Variants in CLIC5 observed in about 807,000 individuals in gnomAD.
CLIC5 encodes the protein CLIC family member 5.
CLIC5 carries 20 observed loss-of-function variants against 24.7 expected under a neutral mutation model. That is an observed-to-expected ratio of 0.81 (90% confidence interval 0.57 to 1.18). The LOEUF is 1.18. Ranked by LOEUF, CLIC5 falls within the 50% of genes most tolerant of loss-of-function variation. CLIC5 has a pLI of 0.00. For missense variants in CLIC5, 341 were observed against 326.1 expected (o/e 1.05, Z -0.35); for synonymous variants, 159 against 135.6 (o/e 1.17, Z -1.20).
At chr6:45,994,614 AAAAAAT>A (rs997447647) in intron 1 of CLIC5, among the ~76,000 whole-genome samples, 5 of 151,686 alleles carry the variant, frequency 3.3e-5, no homozygotes, top group Admixed American at 6.6e-5. Flanking sequence ...GACTTAAAGT[AAAAAAT>A]AAAAATAAAA....
At chr6:46,085,321 C>T (rs1005889623), upstream of CLIC5, among the ~76,000 whole-genome samples, 4 of 152,238 alleles carry the variant, frequency 2.6e-5, no homozygotes, top group Admixed American at 6.5e-5. Context: ...TGCTGAGGAA[C>T]TGCGTTCCTT....
chr6:45,975,033 G>A (rs1474763602), intron 1 of CLIC5, among the ~76,000 whole-genome samples: 1 of 152,182 alleles, frequency 6.6e-6, no homozygotes, highest in African/African-American at 2.4e-5. Flanking sequence ...ATTTCTTTAA[G>A]GTTTGAGTTG....
intron 1 of CLIC5, among the ~76,000 whole-genome samples, chr6:46,045,225 A>AT (rs538061513): frequency 4.1e-4 from 62 of 152,066 alleles, no homozygotes; most frequent in African/African-American, 1.4e-3. Flanking sequence ...AAACAATTAC[A>AT]TTTTTTTTAA....
intron 4 of CLIC5, among the ~76,000 whole-genome samples, chr6:45,937,198 G>A (rs1468024783): frequency 2.0e-5 from 3 of 152,208 alleles, no homozygotes; most frequent in East Asian, 1.9e-4. Flanking sequence ...GGGAGATTTG[G>A]AAGAGCTAAC....
intron 1 of CLIC5, among the ~76,000 whole-genome samples, chr6:46,031,196 A>G (rs1767488422): frequency 6.6e-6 from 1 of 152,230 alleles, no homozygotes. Flanking sequence ...TGTACTAAAT[A>G]ATATAAGCAG....
intron 1 of CLIC5, among the ~76,000 whole-genome samples, chr6:45,968,482 T>C (rs1455461102): frequency 1.3e-5 from 2 of 152,106 alleles, no homozygotes; most frequent in Non-Finnish European, 2.9e-5. Flanking sequence ...TAGGTTTTTA[T>C]CTATTATCTC....
the CLIC5 span, among the ~76,000 whole-genome samples, chr6:46,128,365 C>T: frequency 6.6e-6 from 1 of 152,198 alleles, no homozygotes; most frequent in Admixed American, 6.5e-5. Context: ...CATACATATG[C>T]ACCTACTGAA....
At chr6:46,081,434 C>T (rs1045972051), upstream of CLIC5, among the ~76,000 whole-genome samples, 3 of 152,140 alleles carry the variant, frequency 2.0e-5, no homozygotes, top group East Asian at 1.9e-4. Context: ...GGCAAAACTT[C>T]GTTGTACTCT....
At chr6:46,101,453 T>C in the CLIC5 span, among the ~76,000 whole-genome samples, 1 of 152,246 alleles carries the variant, frequency 6.6e-6, no homozygotes, top group Non-Finnish European at 1.5e-5. Flanking sequence ...CAAAGTGGAA[T>C]GTGTTCAGAT....
At chr6:45,886,593 G>A (rs1581702723) in intron 6 of CLIC5, among the ~76,000 whole-genome samples, 2 of 152,270 alleles carry the variant, frequency 1.3e-5, no homozygotes, top group East Asian at 3.9e-4. Context: ...TTAGCCAAGT[G>A]CCCCAATGCC....
downstream of CLIC5, among the ~76,000 whole-genome samples, chr6:45,897,291 G>A (rs577267141): frequency 3.3e-5 from 5 of 152,300 alleles, no homozygotes; most frequent in South Asian, 6.2e-4. Context: ...TCACAATACT[G>A]GGCGGAACTT....
chr6:45,998,161 T>C (rs570236759), intron 1 of CLIC5, among the ~76,000 whole-genome samples: 41 of 152,296 alleles, frequency 2.7e-4, no homozygotes, highest in Middle Eastern at 3.4e-3. Flanking sequence ...GTATGCAAAA[T>C]TGGTTTGGAA....
intron 5 of CLIC5, among the ~76,000 whole-genome samples, chr6:45,908,773 G>T (rs934986986): frequency 1.3e-5 from 2 of 152,166 alleles, no homozygotes; most frequent in Non-Finnish European, 2.9e-5. Context: ...GTATTCAGTA[G>T]ATGTCTGTTA....
At chr6:45,960,644 C>A (rs765822897) in intron 1 of CLIC5, among the ~76,000 whole-genome samples, 4 of 152,188 alleles carry the variant, frequency 2.6e-5, no homozygotes, top group Non-Finnish European at 5.9e-5. Flanking sequence ...ACCAAAGTCC[C>A]CATTAAGCCT....
Position 45,932,247 on chromosome 6 carries a change from T to C in CLIC5, c.406+9300A>G, listed in dbSNP as rs117740142. On this transcript the variant is annotated intron_variant, in intron 4 of 5. Transcript: ENST00000339561. ...GCCTCAACCTCTCAAGTAGATGGGA[T>C]ATAGGCACATGCCCCCACGACCAGC... Among the ~76,000 whole-genome samples the C allele has an allele frequency of 9.0e-3, 1,312 of 146,204 alleles. 50 individuals are homozygous for C. The highest frequency in any genetic ancestry group is 0.065 in the Admixed American group (975 of 15,106).
chr6:45,936,524 G>A (rs79545716), intron 4 of CLIC5, among the ~76,000 whole-genome samples: 4,316 of 152,116 alleles, frequency 0.028, 145 homozygotes, highest in African/African-American at 0.075. Flanking sequence ...GACTTTGAAC[G>A]TGGTAGTGGG....
At chr6:46,024,788 A>G (rs1172943071) in intron 1 of CLIC5, among the ~76,000 whole-genome samples, 3 of 152,206 alleles carry the variant, frequency 2.0e-5, no homozygotes, top group African/African-American at 4.8e-5. Context: ...CCTCATGGCT[A>G]TTAGAAGGTG....
chr6:45,930,866 C>T (rs564927946), intron 4 of CLIC5, among the ~76,000 whole-genome samples: 2 of 152,218 alleles, frequency 1.3e-5, no homozygotes, highest in South Asian at 2.1e-4. Flanking sequence ...TCCATATTAC[C>T]GTTGAGGAGG....
intron 3 of CLIC5, among the ~76,000 whole-genome samples, chr6:45,945,724 T>C (rs540546336): frequency 6.6e-6 from 1 of 152,252 alleles, no homozygotes; most frequent in South Asian, 2.1e-4. Flanking sequence ...TACCATGCCA[T>C]CCTGTGGGAG....
Sources: allele counts gnomAD v4.1 joint callset (sites outside exome capture counted in the v4.1 genomes callset), GRCh38; gene constraint gnomAD v4.1.1; transcripts MANE v1.5; gene names NCBI Gene and HGNC (gene_info 2026-07-23, HGNC 2026-07-21).